TMEM132C: variants seen among roughly 807,000 people sequenced by gnomAD.
TMEM132C encodes transmembrane protein 132C.
In TMEM132C, 29 loss-of-function variants were observed where a neutral mutation model predicts 61.4. That is an observed-to-expected ratio of 0.47 (90% CI 0.35 to 0.64). TMEM132C has a LOEUF of 0.64. Among genes scored for constraint, TMEM132C ranks in the 30% least tolerant of loss-of-function variants. The pLI is 0.00. For missense variants in TMEM132C, 1,408 were observed against 1,476.9 expected, an observed-to-expected ratio of 0.95 and a Z score of 0.76; for synonymous variants, 656 against 633.1, an observed-to-expected ratio of 1.04 and a Z score of -0.54.
chr12:128,561,077 C>T (rs995269650), intron 3 of TMEM132C, among the ~76,000 whole-genome samples: 3 of 152,210 alleles, frequency 2.0e-5, no homozygotes, highest in African/African-American at 2.4e-5. Flanking sequence ...GGCTTCTTTC[C>T]TTCCCCCAGA....
At chr12:128,325,512 A>G (rs1385923826) in intron 1 of TMEM132C, among the ~76,000 whole-genome samples, 1 of 152,206 alleles carries the variant, frequency 6.6e-6, no homozygotes. Flanking sequence ...GTATACATGC[A>G]TGTATATACA....
chr12:128,296,409 C>A (rs895773218), intron 1 of TMEM132C, among the ~76,000 whole-genome samples: 16 of 152,168 alleles, frequency 1.1e-4, no homozygotes, highest in African/African-American at 3.4e-4. Flanking sequence ...CTGGCTTCAC[C>A]CCAAGACTGG....
Position 128,521,673 on chromosome 12 carries a change from T to G in TMEM132C, c.975-22284T>G, listed in dbSNP as rs59860523. Among the ~76,000 whole-genome samples, 1,016 of 152,288 alleles carry G rather than the reference T, an allele frequency of 6.7e-3. 7 individuals carry two copies. The highest frequency in any genetic ancestry group is 0.023 in the African/African-American group (951 of 41,558). ...ACTAGCAATATCTACTCTACCAGAT[T>G]ACTGACCTGAACTTGGCTAGATTTC... On this transcript the variant is annotated intron_variant, in intron 2 of 8. Transcript: ENST00000435159.
rs1268366384 is a variant in TMEM132C at position 128,598,114 on chromosome 12, G to C, written c.1122-18038G>C. Among the ~76,000 whole-genome samples the C allele has an allele frequency of 8.5e-5, 13 of 152,272 alleles. No individual in the cohort carries two copies. In the East Asian group the frequency reaches 2.5e-3, roughly 29 times the overall value. On this transcript the variant is annotated intron_variant, in intron 3 of 8. Transcript: ENST00000435159. ...TTGACCTGGCAGTTATTAAAACTATGTTTTTAAAACTGTTGGAGGAGGCTG... is the reference window on the plus strand; with the variant it reads ...TTGACCTGGCAGTTATTAAAACTATCTTTTTAAAACTGTTGGAGGAGGCTG...
intron 2 of TMEM132C, among the ~76,000 whole-genome samples, chr12:128,525,549 T>C (rs1248167406): frequency 6.6e-6 from 1 of 152,190 alleles, no homozygotes; most frequent in Non-Finnish European, 1.5e-5. Flanking sequence ...AGTAACACCA[T>C]GTGCTCTGTG....
chr12:128,663,352 G>T (rs1954413120), intron 4 of TMEM132C, among the ~76,000 whole-genome samples: 1 of 152,208 alleles, frequency 6.6e-6, no homozygotes, highest in South Asian at 2.1e-4. Context: ...TGGGGCCTTT[G>T]TGTTGGCCTT....
intron 4 of TMEM132C, among the ~76,000 whole-genome samples, chr12:128,618,944 A>T (rs1565993433): frequency 2.0e-5 from 3 of 152,236 alleles, no homozygotes; most frequent in African/African-American, 7.2e-5. Flanking sequence ...AAAATAGATG[A>T]GGCAATTTAG....
chr12:128,338,524 G>T (rs1199532457), intron 1 of TMEM132C, among the ~76,000 whole-genome samples: 1 of 152,026 alleles, frequency 6.6e-6, no homozygotes, highest in East Asian at 1.9e-4. Flanking sequence ...TTGCCATTCT[G>T]CTCACCAGCG....
rs1870338860 is a variant in TMEM132C, at chr12:128,267,329, G to A, written c.-74G>A. 2 of 934,904 alleles carry A rather than the reference G, an allele frequency of 2.1e-6. No homozygotes were observed. The highest frequency in any genetic ancestry group is 2.5e-6 in the Non-Finnish European group (2 of 785,172). The allele number at this position is 934,904 out of a possible 1,614,324, so 57.9% of individuals were successfully genotyped here. On this transcript the variant is annotated 5_prime_UTR_variant, in exon 1 of 9. Coordinates refer to ENST00000435159, the MANE Select transcript of TMEM132C (RefSeq NM_001136103.3). ...CTGCGGGAGTGGCCCCGGGCATGGG[G>A]CGGCCGGCGGGGGCCGCGGGCGGGC...
chr12:128,483,029 A>G (rs1871363349), intron 2 of TMEM132C, among the ~76,000 whole-genome samples: 1 of 151,682 alleles, frequency 6.6e-6, no homozygotes, highest in South Asian at 2.1e-4. Context: ...GGATCGCTTG[A>G]GCCCAGCAGT....
intron 1 of TMEM132C, among the ~76,000 whole-genome samples, chr12:128,386,790 A>G (rs1874597754): frequency 6.6e-6 from 1 of 152,174 alleles, no homozygotes; most frequent in Non-Finnish European, 1.5e-5. Context: ...CCTGATGCGT[A>G]GTAGATGCTC....
intron 1 of TMEM132C, among the ~76,000 whole-genome samples, chr12:128,406,615 CAT>C (rs756471380): frequency 6.6e-6 from 1 of 152,188 alleles, no homozygotes; most frequent in Middle Eastern, 3.4e-3. Flanking sequence ...AAGGAGTGGC[CAT>C]GTGTGAGACC....
intron 5 of TMEM132C, among the ~76,000 whole-genome samples, chr12:128,677,385 T>C (rs1954599282): frequency 6.6e-6 from 1 of 151,856 alleles, no homozygotes; most frequent in African/African-American, 2.4e-5. Flanking sequence ...ATGCTAGTGA[T>C]AGAGAGAAGC....
rs182835957 is a variant in TMEM132C, at chr12:128,569,314, T to A, written c.1121+25211T>A. 9.2e-5 allele frequency among the ~76,000 whole-genome samples: 14 copies of A among 152,308 alleles called. No homozygotes were observed. In the East Asian group the frequency reaches 1.3e-3, roughly 15 times the overall value. ...AAGCAGGGGCCAGTTATGATTTTTT[T>A]AATCAGGACAAACATATCTGGGTCT... is the stretch of plus-strand genomic sequence containing the variant. On this transcript the variant is annotated intron_variant, in intron 3 of 8. Transcript: ENST00000435159.
intron 4 of TMEM132C, among the ~76,000 whole-genome samples, chr12:128,624,330 GGTCAGGA>G (rs1345555516): frequency 4.6e-5 from 7 of 152,056 alleles, no homozygotes; most frequent in Non-Finnish European, 1.0e-4. Flanking sequence ...TGGACCACAA[GGTCAGGA>G]GTTCAAGACC....
At chr12:128,640,585 A>G (rs757234648) in intron 4 of TMEM132C, among the ~76,000 whole-genome samples, 4 of 152,140 alleles carry the variant, frequency 2.6e-5, no homozygotes, top group Non-Finnish European at 4.4e-5. Context: ...TCTACTAAAA[A>G]CCATTGAATT....
At chr12:128,704,707 A>C (rs946558712) in intron 8 of TMEM132C, among the ~76,000 whole-genome samples, 3 of 152,248 alleles carry the variant, frequency 2.0e-5, no homozygotes, top group South Asian at 2.1e-4. Flanking sequence ...CTAATCACAG[A>C]GTGTGTGACA....
At chr12:128,351,783 A>C (rs1593021216) in intron 1 of TMEM132C, among the ~76,000 whole-genome samples, 1 of 152,012 alleles carries the variant, frequency 6.6e-6, no homozygotes, top group Admixed American at 6.6e-5. Context: ...GGATCCAAAC[A>C]CCTCCTAGCA....
intron 2 of TMEM132C, 140 bp from the exon 3 acceptor site, chr12:128,543,817 G>T: frequency 2.6e-6 from 3 of 1,134,622 alleles, no homozygotes; most frequent in Non-Finnish European, 3.6e-6. Context: ...CCACCACTGG[G>T]CAGCTTTGCC....
Sources: allele counts gnomAD v4.1 joint callset (sites outside exome capture counted in the v4.1 genomes callset), GRCh38; gene constraint gnomAD v4.1.1; transcripts MANE v1.5; gene names NCBI Gene and HGNC (gene_info 2026-07-23, HGNC 2026-07-21).